The following GSE1 variants were observed in gnomAD, a reference collection of about 807,000 sequenced individuals.
GSE1 encodes the protein genetic suppressor element 1.
A neutral mutation model predicts 112.6 loss-of-function variants in GSE1; 32 were observed. That is an observed-to-expected ratio of 0.28 (90% CI 0.21 to 0.38). The LOEUF (loss-of-function observed/expected upper bound fraction) is 0.38, where lower values mean the gene tolerates loss of function less well. Among genes scored for constraint, GSE1 ranks in the 10% least tolerant of loss-of-function variants. The probability of loss-of-function intolerance (pLI) is 1.00; values close to 1 mark genes in which losing one functional copy is unlikely to be tolerated. For missense variants in GSE1, 2,348 were observed against 1,699.2 expected (o/e 1.38, Z -6.71); for synonymous variants, 1,115 against 735.6 (o/e 1.52, Z -8.35).
intron 1 of GSE1, among the ~76,000 whole-genome samples, chr16:85,620,546 A>G (rs903052115): frequency 1.3e-5 from 2 of 152,210 alleles, no homozygotes; most frequent in East Asian, 1.9e-4. Context: ...CATTGGAGAG[A>G]CTTCCGCCTC....
chr16:85,616,410 G>C (rs1159337999), intron 1 of GSE1, among the ~76,000 whole-genome samples: 2 of 152,226 alleles, frequency 1.3e-5, no homozygotes, highest in South Asian at 2.1e-4. Flanking sequence ...TAGCAGGGCC[G>C]GTTTTTCCTG....
chr16:85,517,067 C>G (rs1015777041), intron 2 of GSE1, among the ~76,000 whole-genome samples: 6 of 152,258 alleles, frequency 3.9e-5, no homozygotes, highest in South Asian at 2.1e-4. Flanking sequence ...AAAGTGCTGG[C>G]ATCACAGGCG....
In GSE1 at chr16:85,436,966, G is replaced by T. The variant is rs189836247; in HGVS notation, c.2464+79323G>T. On this transcript the variant is annotated intron_variant, in intron 2 of 2. Coordinates refer to the GSE1 transcript ENST00000637419. ...TTAAAAAATGTGGGGATGGGGAGGG[G>T]AGGTTACCGTCGAGGTCGACGCGGC... is the stretch of plus-strand genomic sequence containing the variant. Among the ~76,000 whole-genome samples, 1,050 of 152,324 alleles carry T rather than the reference G, an allele frequency of 6.9e-3. 6 individuals carry two copies. Among genetic ancestry groups the T allele is most frequent in the Middle Eastern group, 0.014 (4 of 294 alleles).
intron 1 of GSE1, among the ~76,000 whole-genome samples, chr16:85,208,129 C>G (rs1192649657): frequency 6.6e-6 from 1 of 152,128 alleles, no homozygotes; most frequent in Admixed American, 6.5e-5. Context: ...CGTCCTTGTC[C>G]TTGAATGGCC....
At chr16:85,204,631 T>C (rs2075084196) in intron 1 of GSE1, among the ~76,000 whole-genome samples, 1 of 152,244 alleles carries the variant, frequency 6.6e-6, no homozygotes, top group African/African-American at 2.4e-5. Flanking sequence ...CGTGAAGTGG[T>C]GTCTCCTGGT....
intron 2 of GSE1, among the ~76,000 whole-genome samples, chr16:85,382,828 ACACT>A (rs1193016324): frequency 6.6e-6 from 1 of 151,716 alleles, no homozygotes; most frequent in Non-Finnish European, 1.5e-5. Context: ...ATGCACAAAC[ACACT>A]CATGCACACA....
Position 85,419,275 on chromosome 16 carries a change from G to T in GSE1, c.2464+61632G>T, listed in dbSNP as rs1321428808. 6.6e-6 allele frequency among the ~76,000 whole-genome samples: 1 copy of T among 152,172 alleles called. No homozygotes were observed. The highest frequency in any genetic ancestry group is 1.5e-5 in the Non-Finnish European group (1 of 68,040). On this transcript the variant is annotated intron_variant, in intron 2 of 2. Coordinates refer to the GSE1 transcript ENST00000637419. The surrounding 1 kb of genome is among the most constrained non-coding windows in gnomAD (Gnocchi z 6.5). Reference sequence around the variant, plus strand: ...GTTCACCTCATAGAGGGCGCTAGAGGCCACCTCAGGAGGCAACATTTAGAG... The same window carrying T: ...GTTCACCTCATAGAGGGCGCTAGAGTCCACCTCAGGAGGCAACATTTAGAG...
At chr16:85,274,851 A>C (rs1909198280) in intron 1 of GSE1, among the ~76,000 whole-genome samples, 1 of 152,274 alleles carries the variant, frequency 6.6e-6, no homozygotes, top group Admixed American at 6.5e-5. Flanking sequence ...GGTCACCTGC[A>C]GAAAGCTCAG....
intron 2 of GSE1, among the ~76,000 whole-genome samples, chr16:85,433,588 C>CTGGA (rs57012969): frequency 0.038 from 5,683 of 150,140 alleles, 127 homozygotes; most frequent in South Asian, 0.074. Context: ...GAGAAGGATC[C>CTGGA]TGGATGGATG....
chr16:85,330,492 T>C (rs10871292), intron 1 of GSE1, among the ~76,000 whole-genome samples: 58,604 of 151,762 alleles, frequency 0.39, 11,405 homozygotes, highest in Non-Finnish European at 0.42. Flanking sequence ...GTTAGAGCCA[T>C]TGTTCGTGGT....
intron 1 of GSE1, among the ~76,000 whole-genome samples, chr16:85,626,883 C>G (rs1035685515): frequency 1.3e-5 from 2 of 151,846 alleles, no homozygotes; most frequent in African/African-American, 4.8e-5. Flanking sequence ...AGGCCTCCCC[C>G]CTCGTTTAAA....
intron 2 of GSE1, among the ~76,000 whole-genome samples, chr16:85,530,048 C>T (rs551574943): frequency 1.3e-5 from 2 of 152,356 alleles, no homozygotes; most frequent in African/African-American, 2.4e-5. Context: ...ATGTACCCAG[C>T]GTTCCTGCCC....
At chr16:85,448,089 T>G (rs1160488341) in intron 2 of GSE1, among the ~76,000 whole-genome samples, 16 of 152,198 alleles carry the variant, frequency 1.1e-4, no homozygotes. Flanking sequence ...CTCCCAGTCG[T>G]GTACCCAGCT....
At chr16:85,305,262 A>G (rs537788625) in intron 1 of GSE1, among the ~76,000 whole-genome samples, 5 of 152,302 alleles carry the variant, frequency 3.3e-5, no homozygotes, top group African/African-American at 9.6e-5. Context: ...ATCTCTGACG[A>G]TGGACCCTGG....
In GSE1 at chr16:85,648,416, G is replaced by C. The variant is rs1373820701; in HGVS notation, c.227-136G>C. 1.7e-5 allele frequency: 10 copies of C among 587,918 alleles called. No homozygotes were observed. The East Asian group carries it at 2.7e-4, about 16-fold the overall frequency. The allele number at this position is 587,918 out of a possible 1,614,324, so 36.4% of individuals were successfully genotyped here. A position where few individuals can be genotyped will look rare whatever the true frequency, so the allele number is the denominator to read the frequency against. ...TCCTGCCTGCCTGTCTTGGGTGGGG[G>C]CCCATGAGGCTGGTAGACCTGGAGG... is the stretch of plus-strand genomic sequence containing the variant. On this transcript the variant is annotated intron_variant, in intron 2 of 15. Coordinates refer to ENST00000253458, the MANE Select transcript of GSE1 (RefSeq NM_014615.5).
intron 1 of GSE1, among the ~76,000 whole-genome samples, chr16:85,221,399 A>G (rs978191212): frequency 6.6e-6 from 1 of 151,990 alleles, no homozygotes; most frequent in African/African-American, 2.4e-5. Flanking sequence ...GCATACACAC[A>G]TACCACATAC....
chr16:85,491,449 T>G (rs2051006588), intron 2 of GSE1, among the ~76,000 whole-genome samples: 1 of 149,584 alleles, frequency 6.7e-6, no homozygotes, highest in Non-Finnish European at 1.5e-5. Context: ...TAGAAGAGAG[T>G]GGGTTGGGAG....
At chr16:85,671,155 GA>G (rs1369743910) in intron 15 of GSE1, 57 bp downstream of exon 15, 1 of 989,708 alleles carries the variant, frequency 1.0e-6, no homozygotes, top group African/African-American at 1.6e-5. Flanking sequence ...TTTGGGTTCA[GA>G]AACACCCATG....
At chr16:85,579,220 C>T (rs1336116620) in intron 1 of GSE1, among the ~76,000 whole-genome samples, 2 of 152,058 alleles carry the variant, frequency 1.3e-5, no homozygotes, top group Non-Finnish European at 2.9e-5. Flanking sequence ...ACCCTCCCCT[C>T]TGGGTGGGGC....
Sources: gnomAD v4.1 joint callset for allele counts (sites outside exome capture counted in the v4.1 genomes callset) on GRCh38, gnomAD v4.1.1 for gene constraint, Gnocchi (gnomAD v3.1) non-coding constraint, MANE v1.5 for transcripts, NCBI Gene and HGNC (gene_info 2026-07-23, HGNC 2026-07-21) for gene names.